ANKS1B: variants seen among roughly 807,000 people sequenced by gnomAD.
The protein encoded by ANKS1B is ankyrin repeat and sterile alpha motif domain containing 1B.
A neutral mutation model predicts 148.3 loss-of-function variants in ANKS1B; 36 were observed. The observed-to-expected ratio is 0.24, with a 90% CI of 0.19 to 0.32. ANKS1B has a LOEUF of 0.32. Among genes scored for constraint, ANKS1B ranks in the 10% least tolerant of loss-of-function variants. ANKS1B has a pLI of 1.00. For synonymous variants in ANKS1B, 542 were observed against 560.8 expected (o/e 0.97, Z 0.47); for missense variants, 1,157 against 1,542.6 (o/e 0.75, Z 4.19).
intron 12 of ANKS1B, among the ~76,000 whole-genome samples, chr12:99,252,344 A>G (rs529341554): frequency 1.3e-5 from 2 of 152,314 alleles, no homozygotes; most frequent in East Asian, 3.9e-4. Context: ...TACTTTTAGA[A>G]GATAATTGGT....
intron 16 of ANKS1B, among the ~76,000 whole-genome samples, chr12:99,066,749 ATTCTGGGTATC>A (rs1264369858): frequency 2.0e-5 from 3 of 152,220 alleles, no homozygotes; most frequent in Non-Finnish European, 2.9e-5. Context: ...AAGTAGTTAG[ATTCTGGGTATC>A]TTGACGGTAG....
chr12:98,757,719 G>A (rs1002413064), intron 25 of ANKS1B, among the ~76,000 whole-genome samples: 2 of 152,198 alleles, frequency 1.3e-5, no homozygotes, highest in Admixed American at 6.5e-5. Flanking sequence ...AACTCATTTA[G>A]TTTTACTTTT....
At chr12:98,878,241 A>C (rs965305207) in intron 17 of ANKS1B, among the ~76,000 whole-genome samples, 50 of 151,586 alleles carry the variant, frequency 3.3e-4, no homozygotes, top group African/African-American at 1.1e-3. Flanking sequence ...AAAAAAAAAA[A>C]CACCTCACTC....
chr12:99,326,198 A>G (rs1464956904), intron 12 of ANKS1B, among the ~76,000 whole-genome samples: 1 of 152,080 alleles, frequency 6.6e-6, no homozygotes, highest in African/African-American at 2.4e-5. Context: ...GTGGGGACAC[A>G]AAACCTAACC....
intron 10 of ANKS1B, among the ~76,000 whole-genome samples, chr12:99,482,822 G>A (rs2096433348): frequency 6.6e-6 from 1 of 151,926 alleles, no homozygotes; most frequent in East Asian, 1.9e-4. Context: ...ATCATTGTTG[G>A]TGTATAGCAG....
At chr12:99,593,805 T>A (rs1278875364) in intron 9 of ANKS1B, among the ~76,000 whole-genome samples, 1 of 152,102 alleles carries the variant, frequency 6.6e-6, no homozygotes, top group Non-Finnish European at 1.5e-5. Context: ...GAACTTATTA[T>A]AAGGAAACTG....
chr12:99,688,997 A>T (rs2098665172), intron 8 of ANKS1B, among the ~76,000 whole-genome samples: 1 of 152,270 alleles, frequency 6.6e-6, no homozygotes, highest in South Asian at 2.1e-4. Context: ...TGGACTAGTT[A>T]TTTAGACTTT....
At chr12:99,608,363 C>T (rs1380729737) in intron 9 of ANKS1B, among the ~76,000 whole-genome samples, 2 of 152,070 alleles carry the variant, frequency 1.3e-5, no homozygotes, top group Non-Finnish European at 2.9e-5. Context: ...CTGTCTGACC[C>T]AGTCAAACAC....
At chr12:99,898,054 T>C (rs2093449715) in intron 1 of ANKS1B, among the ~76,000 whole-genome samples, 1 of 152,160 alleles carries the variant, frequency 6.6e-6, no homozygotes, top group Non-Finnish European at 1.5e-5. Flanking sequence ...GCAACACATA[T>C]AAAGCTCTTA....
intron 1 of ANKS1B, among the ~76,000 whole-genome samples, chr12:99,894,508 C>CAAAAAAAA (rs777618998): frequency 3.1e-5 from 2 of 64,264 alleles, no homozygotes; most frequent in Non-Finnish European, 3.0e-5. Flanking sequence ...GACCCTGTCT[C>CAAAAAAAA]AAAAAAAAAA....
In ANKS1B at chr12:99,537,495, T is replaced by C. The variant is rs548624963; in HGVS notation, c.1273-32854A>G. 1.1e-4 allele frequency among the ~76,000 whole-genome samples: 16 copies of C among 152,320 alleles called. No homozygotes were observed. In the South Asian group the frequency reaches 1.7e-3, roughly 16 times the overall value. ...GATAGCTCATTGCAGTTTTCATTTATATTTCTCCAATGATCAATGATGTTG... is the reference window on the plus strand; with the variant it reads ...GATAGCTCATTGCAGTTTTCATTTACATTTCTCCAATGATCAATGATGTTG... On this transcript the variant is annotated intron_variant, in intron 9 of 26. Transcript: ENST00000683438.
At chr12:98,984,517 T>C (rs1233943525) in intron 17 of ANKS1B, among the ~76,000 whole-genome samples, 1 of 152,234 alleles carries the variant, frequency 6.6e-6, no homozygotes, top group Non-Finnish European at 1.5e-5. Flanking sequence ...GGAAATCTCC[T>C]TAGCTATATA....
rs534368988 is a variant in ANKS1B, at chr12:99,280,203, TGAGA to T, written c.1757-33343_1757-33340del. Among the ~76,000 whole-genome samples, 124 of 150,996 alleles carry T rather than the reference TGAGA, an allele frequency of 8.2e-4. 4 individuals are homozygous for T. The South Asian group carries it at 0.021, about 26-fold the overall frequency. ...GTGTGTGTACGTGCATGTGTGTGTG[TGAGA>T]GAGAGAGAGAAAGAGAAAGAGAGAT... is the stretch of plus-strand genomic sequence containing the variant. On this transcript the variant is annotated intron_variant, in intron 12 of 26. Transcript: ENST00000683438.
chr12:99,314,110 C>T lies in ANKS1B; in HGVS notation c.1757-67246G>A, dbSNP rs1038460820. Among the ~76,000 whole-genome samples, 7 of 152,048 alleles carry T rather than the reference C, an allele frequency of 4.6e-5. No individual in the cohort carries two copies. The East Asian group carries it at 1.3e-3, about 29-fold the overall frequency. On this transcript the variant is annotated intron_variant, in intron 12 of 26. Transcript: ENST00000683438. ...CAACGTGCAAAAATCACAAGCATTC[C>T]TATACACCAACAATAGACAAGCAGA...
intron 8 of ANKS1B, among the ~76,000 whole-genome samples, chr12:99,741,006 C>G (rs544834762): frequency 1.3e-5 from 2 of 152,086 alleles, no homozygotes; most frequent in East Asian, 1.9e-4. Context: ...GTCAGGAGAT[C>G]GAGACCAATC....
chr12:99,069,154 G>C (rs1009981893), intron 16 of ANKS1B, among the ~76,000 whole-genome samples: 2 of 152,136 alleles, frequency 1.3e-5, no homozygotes, highest in African/African-American at 4.8e-5. Flanking sequence ...GTGCATGGCC[G>C]TGTGGGTGTT....
intron 17 of ANKS1B, among the ~76,000 whole-genome samples, chr12:98,876,511 C>T (rs968967513): frequency 2.6e-5 from 4 of 152,208 alleles, no homozygotes; most frequent in Non-Finnish European, 4.4e-5. Context: ...TCCTGTCCCA[C>T]GTTATGGGCC....
At chr12:99,175,232 T>C (rs2078248999) in intron 14 of ANKS1B, among the ~76,000 whole-genome samples, 1 of 152,204 alleles carries the variant, frequency 6.6e-6, no homozygotes, top group Non-Finnish European at 1.5e-5. Flanking sequence ...ATCTTTAAGT[T>C]TCCATGGACA....
At chr12:99,826,121 C>T (rs11110063) in intron 1 of ANKS1B, among the ~76,000 whole-genome samples, 1 of 152,132 alleles carries the variant, frequency 6.6e-6, no homozygotes, top group Non-Finnish European at 1.5e-5. Context: ...ATTGCTTTAT[C>T]TGATGGTCAT....
Sources: allele counts gnomAD v4.1 joint callset (sites outside exome capture counted in the v4.1 genomes callset), GRCh38; gene constraint gnomAD v4.1.1; transcripts MANE v1.5; gene names NCBI Gene and HGNC (gene_info 2026-07-23, HGNC 2026-07-21).